The following IMMP2L variants were observed in gnomAD, a reference collection of about 807,000 sequenced individuals.
IMMP2L encodes mitochondrial inner membrane protease subunit 2.
A neutral mutation model predicts 19.3 loss-of-function variants in IMMP2L; 18 were observed. The observed-to-expected ratio is 0.93, with a 90% CI of 0.64 to 1.38. The LOEUF is 1.38. Among genes scored for constraint, IMMP2L ranks in the 40% most tolerant of loss-of-function variants. IMMP2L has a pLI of 0.00. For synonymous variants in IMMP2L, 76 were observed against 73.0 expected, an observed-to-expected ratio of 1.04 and a Z score of -0.21; for missense variants, 233 against 218.2, an observed-to-expected ratio of 1.07 and a Z score of -0.43.
intron 5 of IMMP2L, among the ~76,000 whole-genome samples, chr7:110,685,469 CACA>C (rs1793048703): frequency 6.6e-6 from 1 of 152,080 alleles, no homozygotes; most frequent in Non-Finnish European, 1.5e-5. Context: ...TGATGTACTG[CACA>C]ACAATAATAA....
chr7:111,333,165 AG>A (rs1330493899), intron 3 of IMMP2L, among the ~76,000 whole-genome samples: 1 of 152,166 alleles, frequency 6.6e-6, no homozygotes, highest in Non-Finnish European at 1.5e-5. Flanking sequence ...TAGTAGAAGA[AG>A]GTAGTCATCA....
Position 111,539,192 on chromosome 7 carries a change from GAGGGAGAAAGAAAGAAAGAAAGAAAGAA to G in IMMP2L, c.-2-17771_-2-17744del, listed in dbSNP as rs1219401162. On this transcript the variant is annotated intron_variant, in intron 1 of 5. Transcript: ENST00000405709. ...GGAAGGAAGGAAGGAAGGAAGGAAGGAGGGAGAAAGAAAGAAAGAAAGAAAGAAAGAAAGAAAGAAAGAAAGAAAGAAA... is the reference window on the plus strand; with the variant it reads ...GGAAGGAAGGAAGGAAGGAAGGAAGGAGAAAGAAAGAAAGAAAGAAAGAAA... Among the ~76,000 whole-genome samples, 152 of 19,820 alleles carry G rather than the reference GAGGGAGAAAGAAAGAAAGAAAGAAAGAA, an allele frequency of 7.7e-3. 6 individuals are homozygous for G. The highest frequency in any genetic ancestry group is 0.02 in the Middle Eastern group (1 of 50). The allele number at this position is 19,820 out of a possible 152,430, so 13.0% of individuals were successfully genotyped here. A position where few individuals can be genotyped will look rare whatever the true frequency, so the allele number is the denominator to read the frequency against.
chr7:111,438,266 AAAG>A (rs1328797489), intron 3 of IMMP2L, among the ~76,000 whole-genome samples: 1 of 151,884 alleles, frequency 6.6e-6, no homozygotes, highest in African/African-American at 2.4e-5. Flanking sequence ...TGACAGTCTC[AAAG>A]AATACTGTAA....
intron 4 of IMMP2L, among the ~76,000 whole-genome samples, chr7:110,943,461 C>G (rs574720102): frequency 6.6e-6 from 1 of 152,012 alleles, no homozygotes; most frequent in Non-Finnish European, 1.5e-5. Flanking sequence ...TGATTTCAGA[C>G]TTGGTCATGC....
intron 3 of IMMP2L, among the ~76,000 whole-genome samples, chr7:111,382,641 A>G (rs999154107): frequency 6.6e-6 from 1 of 152,112 alleles, no homozygotes; most frequent in Admixed American, 6.6e-5. Context: ...AGCAATCAGT[A>G]CAGAAAAGCT....
chr7:110,724,916 G>C (rs10499996), intron 5 of IMMP2L, among the ~76,000 whole-genome samples: 12,386 of 152,096 alleles, frequency 0.081, 929 homozygotes, highest in African/African-American at 0.2. Context: ...AAACCTGCAC[G>C]ACCTTGACTA....
At chr7:111,141,432 ATTTC>A (rs1299732565) in intron 3 of IMMP2L, among the ~76,000 whole-genome samples, 11 of 148,432 alleles carry the variant, frequency 7.4e-5, no homozygotes, top group Non-Finnish European at 1.2e-4. Flanking sequence ...CCAGGGTTAC[ATTTC>A]TTTCTTTTTT....
At chr7:111,110,202 C>T (rs1171157484) in intron 3 of IMMP2L, among the ~76,000 whole-genome samples, 3 of 152,116 alleles carry the variant, frequency 2.0e-5, no homozygotes, top group African/African-American at 4.8e-5. Context: ...ATCAAAGATC[C>T]TATCTGTTCA....
chr7:110,907,787 G>T (rs2129547989), intron 4 of IMMP2L, among the ~76,000 whole-genome samples: 1 of 152,268 alleles, frequency 6.6e-6, no homozygotes, highest in African/African-American at 2.4e-5. Flanking sequence ...CAATTTAAAT[G>T]TTTTAAATGA....
At chr7:110,963,602 T>C (rs1264713360) in intron 3 of IMMP2L, 37 bp from the exon 4 acceptor site, 2 of 1,291,532 alleles carry the variant, frequency 1.5e-6, no homozygotes, top group Middle Eastern at 2.3e-4. Flanking sequence ...ATCAGTTATG[T>C]CTATGTTGTT....
chr7:111,410,243 A>G (rs764362520), intron 3 of IMMP2L, among the ~76,000 whole-genome samples: 9 of 151,736 alleles, frequency 5.9e-5, no homozygotes, highest in Non-Finnish European at 1.3e-4. Context: ...CAGAAAGCTC[A>G]TGCCTTAGTA....
At chr7:111,206,151 A>G (rs1053325954) in intron 3 of IMMP2L, among the ~76,000 whole-genome samples, 2 of 152,146 alleles carry the variant, frequency 1.3e-5, no homozygotes, top group African/African-American at 4.8e-5. Flanking sequence ...TGTGATTTTA[A>G]AGAATCTATA....
rs1472210155 is a variant in IMMP2L, at chr7:111,213,905, CT to C, written c.240-250341del. ...TGTGACAGTCCTACAAATGTACCCC[CT>C]GTATCTAAGATAAAAGGTGATTTAA... On this transcript the variant is annotated intron_variant, in intron 3 of 5. Transcript: ENST00000405709. The surrounding 1 kb of genome is among the most constrained non-coding windows in gnomAD (Gnocchi z 4.8). 7.2e-5 allele frequency among the ~76,000 whole-genome samples: 11 copies of C among 152,066 alleles called. No homozygotes were observed. The highest frequency in any genetic ancestry group is 2.4e-4 in the African/African-American group (10 of 41,396).
Position 111,183,880 on chromosome 7 carries a change from C to T in IMMP2L, c.240-220315G>A, listed in dbSNP as rs374460646. On this transcript the variant is annotated intron_variant, in intron 3 of 5. Transcript: ENST00000405709. The stretch of plus-strand genomic sequence containing the variant: ...ATACACTCTGGAATTTAACTGATAA[C>T]GGCTTTTTAAAACCCAGTTGTGCCA... Among the ~76,000 whole-genome samples, 304 of 152,136 alleles carry T rather than the reference C, an allele frequency of 2.0e-3. 3 individuals carry two copies. Among genetic ancestry groups the T allele is most frequent in the African/African-American group, 6.9e-3 (287 of 41,514 alleles).
At chr7:110,833,882 T>C (rs1804193956) in intron 5 of IMMP2L, among the ~76,000 whole-genome samples, 1 of 152,200 alleles carries the variant, frequency 6.6e-6, no homozygotes, top group Non-Finnish European at 1.5e-5. Flanking sequence ...CTTTGGTTTA[T>C]GCCCAGTCAA....
intron 3 of IMMP2L, among the ~76,000 whole-genome samples, chr7:111,377,243 G>T (rs1400062071): frequency 6.6e-6 from 1 of 151,596 alleles, no homozygotes; most frequent in African/African-American, 2.4e-5. Flanking sequence ...CATTTCATAT[G>T]TAAATATATA....
intron 3 of IMMP2L, among the ~76,000 whole-genome samples, chr7:111,274,365 T>C (rs10230187): frequency 0.02 from 3,076 of 152,270 alleles, 129 homozygotes; most frequent in African/African-American, 0.07. Context: ...CTGAAGAGAA[T>C]CTTAATTATT....
At chr7:111,313,817 C>G (rs1791633247) in intron 3 of IMMP2L, among the ~76,000 whole-genome samples, 1 of 152,048 alleles carries the variant, frequency 6.6e-6, no homozygotes, top group African/African-American at 2.4e-5. Flanking sequence ...GGATATTTGT[C>G]CAATCCAAAT....
intron 3 of IMMP2L, among the ~76,000 whole-genome samples, chr7:111,082,430 T>G (rs1439538718): frequency 6.6e-6 from 1 of 152,226 alleles, no homozygotes; most frequent in Non-Finnish European, 1.5e-5. Context: ...TACAACGCTT[T>G]GTGAATGCTT....
Sources: gnomAD v4.1 joint callset for allele counts (sites outside exome capture counted in the v4.1 genomes callset) on GRCh38, gnomAD v4.1.1 for gene constraint, Gnocchi (gnomAD v3.1) non-coding constraint, MANE v1.5 for transcripts, NCBI Gene and HGNC (gene_info 2026-07-23, HGNC 2026-07-21) for gene names.